Variants in SPAST observed in about 807,000 individuals in gnomAD.
SPAST encodes the protein spastin.
Under a neutral mutation model 76.6 loss-of-function variants are expected in SPAST, and 30 were observed. The ratio of observed to expected loss-of-function variants is 0.39; its 90% CI spans 0.29 to 0.53. SPAST has a LOEUF of 0.53. Among genes scored for constraint, SPAST ranks in the 20% least tolerant of loss-of-function variants. SPAST has a pLI of 0.68. For missense variants in SPAST, 717 were observed against 770.5 expected, an observed-to-expected ratio of 0.93 and a Z score of 0.82; for synonymous variants, 305 against 281.0, an observed-to-expected ratio of 1.09 and a Z score of -0.86.
In SPAST at chr2:32,094,312, G is replaced by T. The variant is rs1230770224; in HGVS notation, c.587-4484G>T. ...CGGCTCACTGCAACCTCTGCCTCCC[G>T]GGTTCAAGCGATTATCCTGCCTCAT... On this transcript the variant is annotated intron_variant, in intron 3 of 16. Transcript: ENST00000315285. Among the ~76,000 whole-genome samples the T allele has an allele frequency of 2.6e-5, 4 of 152,042 alleles. No homozygotes were observed. In the South Asian group the frequency reaches 8.3e-4, roughly 32 times the overall value.
At chr2:32,073,828 G>T in intron 1 of SPAST, among the ~76,000 whole-genome samples, 1 of 152,156 alleles carries the variant, frequency 6.6e-6, no homozygotes, top group East Asian at 1.9e-4. Context: ...GTCAAAATCT[G>T]TGATTTTCTT....
intron 7 of SPAST, among the ~76,000 whole-genome samples, chr2:32,116,488 G>A (rs1678839670): frequency 6.6e-6 from 1 of 152,142 alleles, no homozygotes; most frequent in South Asian, 2.1e-4. Flanking sequence ...TGGAGACGGA[G>A]TCTCACTCAT....
chr2:32,076,611 A>T (rs1453269757), intron 1 of SPAST, among the ~76,000 whole-genome samples: 1 of 152,192 alleles, frequency 6.6e-6, no homozygotes, highest in Non-Finnish European at 1.5e-5. Flanking sequence ...TCATCCCTGA[A>T]TTAATCAGTG....
At chr2:32,124,327 C>A (rs1443183829) in intron 7 of SPAST, among the ~76,000 whole-genome samples, 1 of 152,126 alleles carries the variant, frequency 6.6e-6, no homozygotes, top group East Asian at 1.9e-4. Context: ...AGATACCCTG[C>A]CATCCCTATT....
intron 1 of SPAST, among the ~76,000 whole-genome samples, chr2:32,083,746 TATACTATA>T (rs1558620053): frequency 3.2e-4 from 19 of 59,558 alleles, no homozygotes; most frequent in African/African-American, 1.1e-3. Context: ...TATATTTATA[TATACTATA>T]TATATATATA....
At chr2:32,065,084 G>A (rs572136919) in intron 1 of SPAST, among the ~76,000 whole-genome samples, 3 of 151,570 alleles carry the variant, frequency 2.0e-5, no homozygotes, top group Middle Eastern at 6.9e-3. Context: ...CAATGGTGCA[G>A]TCTCGGCTCA....
At chr2:32,090,746 A>G (rs1677676779) in intron 3 of SPAST, among the ~76,000 whole-genome samples, 1 of 152,076 alleles carries the variant, frequency 6.6e-6, no homozygotes, top group Non-Finnish European at 1.5e-5. Context: ...CTACAGTCTG[A>G]CTTTTGCTGC....
intron 16 of SPAST, among the ~76,000 whole-genome samples, chr2:32,150,239 A>ATTTTTTTTTTTTT (rs11363493): frequency 6.0e-5 from 4 of 66,590 alleles, no homozygotes; most frequent in East Asian, 4.4e-4. Context: ...CGCCCAGCTA[A>ATTTTTTTTTTTTT]TTTTTTTTTT....
Position 32,154,604 on chromosome 2 carries a change from A to C in SPAST, c.*108A>C. Reference sequence around the variant, plus strand: ...ACAGCCTAAGTTTACAGGACTTTTTAGAGTCTTACATATTTGTGCACCAAA... The same window carrying C: ...ACAGCCTAAGTTTACAGGACTTTTTCGAGTCTTACATATTTGTGCACCAAA... On this transcript the variant is annotated 3_prime_UTR_variant, in exon 17 of 17. Transcript: ENST00000315285. The C allele has an allele frequency of 9.0e-7, 1 of 1,114,940 alleles. No homozygotes were observed. 69.1% of individuals were successfully genotyped at this position (1,114,940 alleles called of 1,614,324 possible).
intron 1 of SPAST, among the ~76,000 whole-genome samples, chr2:32,070,912 A>T (rs1381799805): frequency 6.6e-6 from 1 of 152,242 alleles, no homozygotes; most frequent in Non-Finnish European, 1.5e-5. Context: ...TTATATAAGG[A>T]GAAGCTGAAG....
intron 1 of SPAST, among the ~76,000 whole-genome samples, chr2:32,075,746 G>A (rs1676933970): frequency 6.7e-6 from 1 of 150,204 alleles, no homozygotes; most frequent in Admixed American, 6.7e-5. Context: ...TAGAGACAGG[G>A]TTTCACTATG....
intron 4 of SPAST, among the ~76,000 whole-genome samples, chr2:32,110,155 G>A (rs553857570): frequency 7.4e-6 from 1 of 134,542 alleles, no homozygotes; most frequent in Admixed American, 8.0e-5. Context: ...GTCTTGCCCT[G>A]TCCCCCAGGC....
intron 1 of SPAST, among the ~76,000 whole-genome samples, chr2:32,076,823 A>G (rs986078857): frequency 6.6e-6 from 1 of 151,978 alleles, no homozygotes; most frequent in African/African-American, 2.4e-5. Flanking sequence ...CAGACTCTCA[A>G]GCAGCTGGGA....
intron 3 of SPAST, among the ~76,000 whole-genome samples, chr2:32,090,728 A>C (rs904623458): frequency 1.3e-5 from 2 of 152,172 alleles, no homozygotes; most frequent in African/African-American, 4.8e-5. Context: ...TTTGTCATGT[A>C]ATATTTCCTA....
intron 16 of SPAST, among the ~76,000 whole-genome samples, chr2:32,151,984 G>C (rs550438604): frequency 3.8e-4 from 58 of 151,630 alleles, no homozygotes; most frequent in Non-Finnish European, 7.4e-4. Context: ...TAATTGGTTT[G>C]GAATTTCTGT....
chr2:32,088,736 A>T (rs1214872820), intron 2 of SPAST, among the ~76,000 whole-genome samples: 1 of 152,174 alleles, frequency 6.6e-6, no homozygotes, highest in Non-Finnish European at 1.5e-5. Flanking sequence ...TTAAAGTATG[A>T]TATATGCTCT....
intron 1 of SPAST, among the ~76,000 whole-genome samples, chr2:32,075,142 G>A (rs934167398): frequency 6.6e-6 from 1 of 152,052 alleles, no homozygotes; most frequent in African/African-American, 2.4e-5. Flanking sequence ...AGTGATATAG[G>A]CCGGGCGTGG....
intron 9 of SPAST, among the ~76,000 whole-genome samples, chr2:32,133,202 A>T (rs572002472): frequency 6.6e-6 from 1 of 152,236 alleles, no homozygotes; most frequent in Non-Finnish European, 1.5e-5. Context: ...TCAGTTACAT[A>T]TGTATCTTAA....
intron 15 of SPAST, among the ~76,000 whole-genome samples, chr2:32,145,938 A>T (rs772804167): frequency 1.3e-5 from 2 of 152,236 alleles, no homozygotes; most frequent in East Asian, 3.8e-4. Flanking sequence ...GAAAGATGTT[A>T]TCATAGTGTC....
Sources: allele counts gnomAD v4.1 joint callset (sites outside exome capture counted in the v4.1 genomes callset), GRCh38; gene constraint gnomAD v4.1.1; transcripts MANE v1.5; gene names NCBI Gene and HGNC (gene_info 2026-07-23, HGNC 2026-07-21).